NCALD: variants seen among roughly 807,000 people sequenced by gnomAD.
NCALD encodes neurocalcin delta.
Under a neutral mutation model 18.6 loss-of-function variants are expected in NCALD, and 10 were observed. The observed-to-expected ratio is 0.54, with a 90% CI of 0.33 to 0.91. The LOEUF (loss-of-function observed/expected upper bound fraction) is 0.91, where lower values mean the gene tolerates loss of function less well. Ranked by LOEUF, NCALD falls within the 40% of genes least tolerant of loss-of-function variation. NCALD has a pLI of 0.03. For missense variants in NCALD, 184 were observed against 247.6 expected (o/e 0.74, Z 1.72); for synonymous variants, 88 against 87.4 (o/e 1.01, Z -0.04).
At chr8:102,027,689 T>C (rs1269711) in intron 1 of NCALD, among the ~76,000 whole-genome samples, 128,763 of 152,104 alleles carry the variant, frequency 0.85, 55,123 homozygotes, top group Middle Eastern at 0.91. Flanking sequence ...CTGTATTAGT[T>C]GATTCTCATG....
intron 3 of NCALD, among the ~76,000 whole-genome samples, chr8:101,895,661 C>T (rs1248911293): frequency 6.7e-6 from 1 of 148,814 alleles, no homozygotes; most frequent in Non-Finnish European, 1.5e-5. Context: ...GCAACTTCAG[C>T]AAAGTCTCAG....
chr8:102,012,380 G>GC (rs1317844766), intron 2 of NCALD, among the ~76,000 whole-genome samples: 1 of 152,218 alleles, frequency 6.6e-6, no homozygotes, highest in Non-Finnish European at 1.5e-5. Flanking sequence ...GCAATCAGTG[G>GC]CAACAATTAG....
chr8:101,869,989 A>C (rs2131400524), intron 4 of NCALD, among the ~76,000 whole-genome samples: 1 of 152,350 alleles, frequency 6.6e-6, no homozygotes, highest in East Asian at 1.9e-4. Flanking sequence ...TCAAATACTT[A>C]CATGTGTTTT....
chr8:101,839,355 G>C (rs536793639), intron 4 of NCALD, among the ~76,000 whole-genome samples: 1 of 152,118 alleles, frequency 6.6e-6, no homozygotes, highest in South Asian at 2.1e-4. Flanking sequence ...TGGGAGGTTG[G>C]GGTGGCAGGA....
At chr8:101,896,442 G>T (rs1312365146) in intron 3 of NCALD, among the ~76,000 whole-genome samples, 2 of 150,984 alleles carry the variant, frequency 1.3e-5, no homozygotes, top group Non-Finnish European at 3.0e-5. Flanking sequence ...TGCCATTCAG[G>T]ACATAGGCAT....
chr8:102,021,014 AG>A (rs1477608941), intron 1 of NCALD, among the ~76,000 whole-genome samples: 1 of 152,176 alleles, frequency 6.6e-6, no homozygotes, highest in Non-Finnish European at 1.5e-5. Context: ...TTGCTCCTCC[AG>A]TCAAGTCATC....
chr8:102,063,854 G>C (rs1277951424), intron 1 of NCALD, among the ~76,000 whole-genome samples: 1 of 152,152 alleles, frequency 6.6e-6, no homozygotes, highest in African/African-American at 2.4e-5. Context: ...ACTTCAGGAT[G>C]GAAAACAGCT....
intron 2 of NCALD, among the ~76,000 whole-genome samples, chr8:101,920,613 GAATT>G (rs1289972905): frequency 6.6e-6 from 1 of 152,150 alleles, no homozygotes; most frequent in African/African-American, 2.4e-5. Flanking sequence ...TATTCTAAGT[GAATT>G]AATACAGGAG....
rs112112036 is a variant in NCALD at position 101,695,967 on chromosome 8, T to G, written c.379-3071A>C. 2.0e-3 allele frequency among the ~76,000 whole-genome samples: 301 copies of G among 152,312 alleles called. 2 individuals carry two copies. Among genetic ancestry groups the G allele is most frequent in the African/African-American group, 7.0e-3 (289 of 41,566 alleles). On this transcript the variant is annotated intron_variant, in intron 2 of 3. Transcript: ENST00000220931. ...TCCCCTTTATCCTTTTATATGTTTT[T>G]TTTAGTTTCCTCTTTTCTTTTTCTT...
intron 2 of NCALD, among the ~76,000 whole-genome samples, chr8:101,980,163 G>A (rs1187029703): frequency 6.6e-6 from 1 of 152,172 alleles, no homozygotes; most frequent in Admixed American, 6.5e-5. Context: ...CTCAGACAAT[G>A]GCCTTGCTCT....
intron 2 of NCALD, among the ~76,000 whole-genome samples, chr8:101,921,228 A>C (rs965699163): frequency 2.0e-5 from 3 of 151,836 alleles, no homozygotes; most frequent in African/African-American, 7.3e-5. Context: ...AAAGCTATTA[A>C]GAGGACCAAA....
intron 1 of NCALD, among the ~76,000 whole-genome samples, chr8:101,786,292 G>A (rs1229166268): frequency 6.6e-6 from 1 of 152,180 alleles, no homozygotes; most frequent in Non-Finnish European, 1.5e-5. Flanking sequence ...AAAGGCCCTT[G>A]GGTTCTCTAT....
intron 2 of NCALD, among the ~76,000 whole-genome samples, chr8:101,702,191 T>C (rs1815298618): frequency 6.6e-6 from 1 of 152,008 alleles, no homozygotes; most frequent in African/African-American, 2.4e-5. Context: ...TTTGAACCAC[T>C]GAACCACTTT....
chr8:101,982,521 G>A (rs536780058), intron 2 of NCALD, among the ~76,000 whole-genome samples: 32 of 152,294 alleles, frequency 2.1e-4, no homozygotes, highest in Middle Eastern at 3.4e-3. Flanking sequence ...GTATAGCCTT[G>A]AAAATTCCTA....
At chr8:101,931,980 C>A (rs1818592307) in intron 2 of NCALD, among the ~76,000 whole-genome samples, 1 of 152,170 alleles carries the variant, frequency 6.6e-6, no homozygotes, top group African/African-American at 2.4e-5. Flanking sequence ...CCTTCAGAAG[C>A]AGGTGGCCAT....
intron 4 of NCALD, among the ~76,000 whole-genome samples, chr8:101,886,015 C>T (rs569704987): frequency 5.9e-5 from 9 of 152,238 alleles, no homozygotes; most frequent in Non-Finnish European, 1.0e-4. Context: ...AGTTACAATG[C>T]ACAATTCTAT....
intron 1 of NCALD, among the ~76,000 whole-genome samples, chr8:101,730,967 AAAG>A (rs1472751436): frequency 6.6e-6 from 1 of 152,250 alleles, no homozygotes; most frequent in Non-Finnish European, 1.5e-5. Flanking sequence ...GGAGAAGAGT[AAAG>A]AAGAGAAGGG....
chr8:102,001,084 A>C (rs1158344250), intron 2 of NCALD, among the ~76,000 whole-genome samples: 1 of 152,216 alleles, frequency 6.6e-6, no homozygotes, highest in Non-Finnish European at 1.5e-5. Flanking sequence ...CTCTGAGCTA[A>C]AGGAGGAAGT....
At chr8:101,784,149 G>A (rs547510389) in intron 1 of NCALD, among the ~76,000 whole-genome samples, 1 of 152,242 alleles carries the variant, frequency 6.6e-6, no homozygotes, top group Non-Finnish European at 1.5e-5. Flanking sequence ...GGAGGGGGAA[G>A]GAAGACCTGA....
Sources: gnomAD v4.1 joint callset for allele counts (sites outside exome capture counted in the v4.1 genomes callset) on GRCh38, gnomAD v4.1.1 for gene constraint, MANE v1.5 for transcripts, NCBI Gene and HGNC (gene_info 2026-07-23, HGNC 2026-07-21) for gene names.